Variants in MARCHF4 observed in about 807,000 individuals in gnomAD.
The protein encoded by MARCHF4 is E3 ubiquitin-protein ligase MARCHF4.
A neutral mutation model predicts 43.9 loss-of-function variants in MARCHF4; 14 were observed. The observed-to-expected ratio is 0.32, with a 90% CI of 0.21 to 0.50. The LOEUF (loss-of-function observed/expected upper bound fraction) is 0.50. Among genes scored for constraint, MARCHF4 ranks in the 20% least tolerant of loss-of-function variants. The probability of loss-of-function intolerance (pLI) is 0.98; values close to 1 mark genes in which losing one functional copy is unlikely to be tolerated. For synonymous variants in MARCHF4, 226 were observed against 213.3 expected, an observed-to-expected ratio of 1.06 and a Z score of -0.52; for missense variants, 468 against 536.7, an observed-to-expected ratio of 0.87 and a Z score of 1.27.
At chr2:216,335,931 G>C (rs1692150567) in intron 1 of MARCHF4, among the ~76,000 whole-genome samples, 1 of 151,884 alleles carries the variant, frequency 6.6e-6, no homozygotes, top group South Asian at 2.1e-4. Flanking sequence ...AGCTGGGCAT[G>C]GTGGCACAAA....
intron 1 of MARCHF4, among the ~76,000 whole-genome samples, chr2:216,362,625 G>T (rs149196273): frequency 1.1e-4 from 16 of 152,296 alleles, no homozygotes; most frequent in Non-Finnish European, 1.3e-4. Flanking sequence ...CCCTTGTGGG[G>T]CATGAGGTCA....
chr2:216,354,472 T>G, intron 1 of MARCHF4, among the ~76,000 whole-genome samples: 1 of 152,276 alleles, frequency 6.6e-6, no homozygotes, highest in East Asian at 1.9e-4. Context: ...GCACAACATA[T>G]GCAACCCTGG....
In MARCHF4 at chr2:216,268,232, GTTTCACCCC is replaced by G. The variant is rs1369297569; in HGVS notation, c.866-8562_866-8554del. 2.6e-5 allele frequency among the ~76,000 whole-genome samples: 4 copies of G among 152,124 alleles called. No homozygotes were observed. In the East Asian group the frequency reaches 7.7e-4, roughly 29 times the overall value. On this transcript the variant is annotated intron_variant, in intron 3 of 3. Coordinates refer to ENST00000273067, the MANE Select transcript of MARCHF4 (RefSeq NM_020814.3). The stretch of plus-strand genomic sequence containing the variant: ...CCTGGAAGGAACCTGGAGGTTGTCG[GTTTCACCCC>G]TCTCATTTATAGATGAGGAACTAAC...
At chr2:216,261,068 G>C (rs1018301498) in intron 3 of MARCHF4, among the ~76,000 whole-genome samples, 1 of 152,198 alleles carries the variant, frequency 6.6e-6, no homozygotes, top group Non-Finnish European at 1.5e-5. Flanking sequence ...GAGGGCACCA[G>C]AGGCGGGCTA....
intron 1 of MARCHF4, among the ~76,000 whole-genome samples, chr2:216,320,787 C>T (rs565644716): frequency 6.7e-6 from 1 of 149,980 alleles, no homozygotes; most frequent in African/African-American, 2.5e-5. Context: ...TCTCCTGCCT[C>T]AGCCTCCTGA....
At chr2:216,337,464 C>A (rs1303363160) in intron 1 of MARCHF4, among the ~76,000 whole-genome samples, 1 of 152,086 alleles carries the variant, frequency 6.6e-6, no homozygotes, top group African/African-American at 2.4e-5. Context: ...GGATAAACTC[C>A]AAAATATTTA....
At chr2:216,266,120 C>A (rs377423833) in intron 3 of MARCHF4, 11 of 152,118 alleles carry the variant, frequency 7.2e-5, no homozygotes, top group Admixed American at 5.2e-4. Context: ...GACCCAAAGA[C>A]CTTTGTGCCC....
intron 1 of MARCHF4, among the ~76,000 whole-genome samples, chr2:216,338,512 G>T (rs73066475): frequency 0.019 from 2,961 of 152,282 alleles, 92 homozygotes; most frequent in African/African-American, 0.068. Flanking sequence ...AGTGGTCGCA[G>T]TTCCCATCAA....
At chr2:216,338,303 C>T (rs947636226) in intron 1 of MARCHF4, among the ~76,000 whole-genome samples, 1 of 152,128 alleles carries the variant, frequency 6.6e-6, no homozygotes, top group African/African-American at 2.4e-5. Flanking sequence ...GAGCACTGAC[C>T]CCGGCAATCT....
At chr2:216,262,928 C>T (rs1028130845) in intron 3 of MARCHF4, among the ~76,000 whole-genome samples, 1 of 152,138 alleles carries the variant, frequency 6.6e-6, no homozygotes, top group Non-Finnish European at 1.5e-5. Flanking sequence ...GGTACAACTA[C>T]ATTAGGAAAC....
intron 1 of MARCHF4, among the ~76,000 whole-genome samples, chr2:216,294,469 G>A (rs561511214): frequency 6.6e-6 from 1 of 152,346 alleles, no homozygotes; most frequent in Admixed American, 6.5e-5. Context: ...CATGGCCCCA[G>A]GCACTTAGAA....
At chr2:216,300,432 C>G (rs115288473) in intron 1 of MARCHF4, among the ~76,000 whole-genome samples, 1 of 151,208 alleles carries the variant, frequency 6.6e-6, no homozygotes, top group Admixed American at 6.6e-5. Context: ...CAGCCTCGAC[C>G]TCCCAGGCTC....
In MARCHF4 at chr2:216,258,731, C is replaced by A. The variant is rs1470027306; in HGVS notation, c.*581G>T. 6.5e-6 allele frequency: 1 copy of A among 152,758 alleles called. No homozygotes were observed. The highest frequency in any genetic ancestry group is 1.5e-5 in the Non-Finnish European group (1 of 68,142). The allele number at this position is 152,758 out of a possible 1,614,324, so 9.5% of individuals were successfully genotyped here. A position where few individuals can be genotyped will look rare whatever the true frequency, so the allele number is the denominator to read the frequency against. ...CACCAGCATATCCCTCCCTGAGCAT[C>A]CCTCCCTGACCATCCACCCCACCAT... On this transcript the variant is annotated 3_prime_UTR_variant, in exon 4 of 4. Transcript: ENST00000273067.
intron 1 of MARCHF4, among the ~76,000 whole-genome samples, chr2:216,349,181 T>C (rs940549031): frequency 6.6e-6 from 1 of 152,194 alleles, no homozygotes; most frequent in African/African-American, 2.4e-5. Flanking sequence ...GCACGTGCAA[T>C]GTGCTGAAGA....
intron 1 of MARCHF4, among the ~76,000 whole-genome samples, chr2:216,326,264 C>T (rs1428320521): frequency 6.6e-6 from 1 of 151,944 alleles, no homozygotes; most frequent in Non-Finnish European, 1.5e-5. Flanking sequence ...CAATGAGATA[C>T]CATCTCACAC....
chr2:216,288,052 C>T (rs1438743998), intron 1 of MARCHF4, among the ~76,000 whole-genome samples: 1 of 152,046 alleles, frequency 6.6e-6, no homozygotes, highest in Non-Finnish European at 1.5e-5. Context: ...GCCTTGAGCT[C>T]CCCAGGCTCA....
chr2:216,342,823 C>G (rs1026036244), intron 1 of MARCHF4, among the ~76,000 whole-genome samples: 4 of 152,178 alleles, frequency 2.6e-5, no homozygotes, highest in African/African-American at 7.2e-5. Context: ...CCTGCTGCTC[C>G]TGGGTTCCAG....
At chr2:216,291,762 T>C (rs1474904998) in intron 1 of MARCHF4, among the ~76,000 whole-genome samples, 1 of 152,246 alleles carries the variant, frequency 6.6e-6, no homozygotes, top group Admixed American at 6.5e-5. Flanking sequence ...CAGTTCTACA[T>C]ACAAACACTT....
intron 1 of MARCHF4, among the ~76,000 whole-genome samples, chr2:216,284,706 G>A (rs925933027): frequency 1.3e-5 from 2 of 152,028 alleles, no homozygotes; most frequent in Non-Finnish European, 2.9e-5. Context: ...ATTTCCATCT[G>A]CCTCTGTAAT....
Sources: gnomAD v4.1 joint callset for allele counts (sites outside exome capture counted in the v4.1 genomes callset) on GRCh38, gnomAD v4.1.1 for gene constraint, MANE v1.5 for transcripts, NCBI Gene and HGNC (gene_info 2026-07-23, HGNC 2026-07-21) for gene names.